The following IL23R variants were observed in gnomAD, a reference collection of about 807,000 sequenced individuals.
The protein encoded by IL23R is interleukin-23 receptor.
Under a neutral mutation model 56.9 loss-of-function variants are expected in IL23R, and 34 were observed. The ratio of observed to expected loss-of-function variants is 0.60; its 90% confidence interval spans 0.45 to 0.80. The LOEUF is 0.80. IL23R is among the 30% of genes least tolerant of loss of function. IL23R has a pLI of 0.00. For synonymous variants in IL23R, 230 were observed against 249.2 expected (o/e 0.92, Z 0.73); for missense variants, 635 against 730.0 (o/e 0.87, Z 1.50).
intron 7 of IL23R, among the ~76,000 whole-genome samples, chr1:67,232,810 AAT>A (rs1651185326): frequency 6.6e-6 from 1 of 152,102 alleles, no homozygotes; most frequent in Non-Finnish European, 1.5e-5. Context: ...TAGTTCCCAT[AAT>A]CCCCATGAGT....
chr1:67,191,894 T>A (rs1033573799), intron 4 of IL23R, among the ~76,000 whole-genome samples: 2 of 152,232 alleles, frequency 1.3e-5, no homozygotes, highest in Admixed American at 6.5e-5. Context: ...GGAAACTTTA[T>A]CTCAGTCTCT....
At chr1:67,249,651 A>C (rs994054063) in intron 9 of IL23R, among the ~76,000 whole-genome samples, 2 of 152,186 alleles carry the variant, frequency 1.3e-5, no homozygotes, top group African/African-American at 4.8e-5. Flanking sequence ...AATCCCATGT[A>C]ACTAAACATG....
chr1:67,142,076 A>G (rs948340256), intron 1 of IL23R, among the ~76,000 whole-genome samples: 1 of 152,218 alleles, frequency 6.6e-6, no homozygotes, highest in Non-Finnish European at 1.5e-5. Context: ...TGGCTGGGAA[A>G]GGGAGAGATA....
chr1:67,253,013 C>G (rs571666471), intron 9 of IL23R, among the ~76,000 whole-genome samples: 2 of 152,288 alleles, frequency 1.3e-5, no homozygotes, highest in African/African-American at 2.4e-5. Flanking sequence ...TCACTCTTGT[C>G]TGCCTGTTAA....
At chr1:67,233,226 C>G (rs4655529) in intron 7 of IL23R, among the ~76,000 whole-genome samples, 2 of 143,158 alleles carry the variant, frequency 1.4e-5, no homozygotes, top group African/African-American at 5.2e-5. Flanking sequence ...AAAAGCCACG[C>G]GTGGTGGCAT....
chr1:67,140,625 A>G (rs1478674902), intron 1 of IL23R, among the ~76,000 whole-genome samples: 1 of 152,206 alleles, frequency 6.6e-6, no homozygotes, highest in Non-Finnish European at 1.5e-5. Context: ...TTATGTAAAA[A>G]CCTTAAAAAA....
intron 3 of IL23R, among the ~76,000 whole-genome samples, chr1:67,177,388 A>G (rs1647025110): frequency 6.6e-6 from 1 of 152,054 alleles, no homozygotes; most frequent in Middle Eastern, 3.4e-3. Flanking sequence ...GCATTTTTTC[A>G]TGTGTCTGTT....
chr1:67,213,237 G>A (rs1649617501), intron 6 of IL23R, among the ~76,000 whole-genome samples: 1 of 152,146 alleles, frequency 6.6e-6, no homozygotes, highest in Non-Finnish European at 1.5e-5. Flanking sequence ...GATAAGATAA[G>A]CCCTTATATC....
chr1:67,243,921 C>T (rs1189868141), intron 9 of IL23R, among the ~76,000 whole-genome samples: 1 of 152,178 alleles, frequency 6.6e-6, no homozygotes, highest in African/African-American at 2.4e-5. Flanking sequence ...TTTACACTCC[C>T]ACCAACAGTG....
chr1:67,211,552 G>T (rs374433266), intron 6 of IL23R, among the ~76,000 whole-genome samples: 2 of 152,172 alleles, frequency 1.3e-5, no homozygotes, highest in East Asian at 1.9e-4. Flanking sequence ...GAATCTGGGA[G>T]GTGGAGGTTG....
At chr1:67,167,362 C>G (rs934051041) in intron 1 of IL23R, among the ~76,000 whole-genome samples, 12 of 152,224 alleles carry the variant, frequency 7.9e-5, no homozygotes, top group African/African-American at 2.9e-4. Flanking sequence ...TGAGCCACCA[C>G]GCCTCCCCAG....
At chr1:67,216,330 GCTATTA>G (rs1199721658) in intron 6 of IL23R, among the ~76,000 whole-genome samples, 1 of 152,084 alleles carries the variant, frequency 6.6e-6, no homozygotes, top group Non-Finnish European at 1.5e-5. Flanking sequence ...TGAAACATTA[GCTATTA>G]CTATTATTAT....
intron 4 of IL23R, chr1:67,196,168 T>C (rs978394450): frequency 7.9e-5 from 12 of 152,388 alleles, no homozygotes; most frequent in African/African-American, 2.4e-4. Flanking sequence ...AACAGTGTAA[T>C]TGGAACAAGA....
At chr1:67,145,540 T>G (rs1415267977) in intron 1 of IL23R, among the ~76,000 whole-genome samples, 14 of 152,222 alleles carry the variant, frequency 9.2e-5, no homozygotes, top group Non-Finnish European at 1.8e-4. Context: ...GCATTGTTGC[T>G]GTTTGTTCCC....
At chr1:67,155,214 C>A (rs1034197523) in intron 1 of IL23R, among the ~76,000 whole-genome samples, 10 of 152,220 alleles carry the variant, frequency 6.6e-5, no homozygotes, top group Admixed American at 4.6e-4. Flanking sequence ...TCTCTGGCTG[C>A]CCTTAACAGT....
upstream of IL23R, among the ~76,000 whole-genome samples, chr1:67,163,903 T>A (rs1320270688): frequency 6.6e-6 from 1 of 152,218 alleles, no homozygotes; most frequent in Non-Finnish European, 1.5e-5. Context: ...AACAGTCTAA[T>A]ACACTCCTAG....
chr1:67,227,323 A>G (rs1372853912), intron 7 of IL23R, among the ~76,000 whole-genome samples: 1 of 152,194 alleles, frequency 6.6e-6, no homozygotes, highest in Non-Finnish European at 1.5e-5. Flanking sequence ...TTCCTTTAAT[A>G]ACAGGTTAAA....
chr1:67,260,437 G>T (rs1253196082), downstream of IL23R, among the ~76,000 whole-genome samples: 1 of 152,032 alleles, frequency 6.6e-6, no homozygotes, highest in Non-Finnish European at 1.5e-5. Context: ...GCAAATACTT[G>T]CTGAACCTAC....
intron 9 of IL23R, among the ~76,000 whole-genome samples, chr1:67,243,757 C>T (rs1652012034): frequency 6.6e-6 from 1 of 152,116 alleles, no homozygotes; most frequent in Non-Finnish European, 1.5e-5. Flanking sequence ...GTGAACAGTG[C>T]TGCAATAAAC....
Sources: allele counts gnomAD v4.1 joint callset (sites outside exome capture counted in the v4.1 genomes callset), GRCh38; gene constraint gnomAD v4.1.1; transcripts MANE v1.5; gene names NCBI Gene and HGNC (gene_info 2026-07-23, HGNC 2026-07-21).